Variants in LRRC69 observed in about 807,000 individuals in gnomAD.
The protein encoded by LRRC69 is leucine-rich repeat-containing protein 69.
LRRC69 carries 42 observed loss-of-function variants against 37.8 expected under a neutral mutation model. The ratio of observed to expected loss-of-function variants is 1.11; its 90% CI spans 0.87 to 1.44. LRRC69 has a LOEUF of 1.44. LRRC69 is among the 40% of genes most tolerant of loss of function. The pLI is 0.00. For missense variants in LRRC69, 357 were observed against 401.9 expected (o/e 0.89, Z 0.96); for synonymous variants, 141 against 143.1 (o/e 0.99, Z 0.11).
At chr8:91,207,859 A>G (rs1809832857) in intron 7 of LRRC69, among the ~76,000 whole-genome samples, 1 of 152,226 alleles carries the variant, frequency 6.6e-6, no homozygotes, top group African/African-American at 2.4e-5. Context: ...CTGTATAACA[A>G]AGTATCACAG....
chr8:91,162,080 TATTG>T (rs1478032598), intron 5 of LRRC69, among the ~76,000 whole-genome samples: 2 of 151,402 alleles, frequency 1.3e-5, no homozygotes, highest in African/African-American at 4.8e-5. Context: ...TTCCTCTTGT[TATTG>T]ATTCATAGTT....
chr8:91,204,039 G>A (rs1303788756), intron 7 of LRRC69, among the ~76,000 whole-genome samples: 1 of 150,686 alleles, frequency 6.6e-6, no homozygotes, highest in African/African-American at 2.4e-5. Context: ...GGAAAATGGT[G>A]TGAACCCAGG....
At chr8:91,162,830 G>A (rs1808968915) in intron 5 of LRRC69, among the ~76,000 whole-genome samples, 1 of 150,792 alleles carries the variant, frequency 6.6e-6, no homozygotes, top group African/African-American at 2.4e-5. Flanking sequence ...TTGTCTCCCT[G>A]TGTTTAGTTC....
chr8:91,147,611 T>G (rs1459262241), intron 5 of LRRC69, among the ~76,000 whole-genome samples: 1 of 151,720 alleles, frequency 6.6e-6, no homozygotes, highest in Non-Finnish European at 1.5e-5. Context: ...CTGTACTCCT[T>G]TTCTGTTTTT....
At chr8:91,105,530 A>C (rs1391345929) in intron 1 of LRRC69, among the ~76,000 whole-genome samples, 1 of 151,838 alleles carries the variant, frequency 6.6e-6, no homozygotes. Flanking sequence ...CAAAAAAATA[A>C]AAATTAGCCA....
chr8:91,184,344 T>C (rs1297111598), intron 5 of LRRC69, among the ~76,000 whole-genome samples: 1 of 152,150 alleles, frequency 6.6e-6, no homozygotes, highest in Non-Finnish European at 1.5e-5. Flanking sequence ...CATTTGTCTC[T>C]TTTAAATATT....
At chr8:91,209,926 T>A (rs1281990656) in intron 7 of LRRC69, among the ~76,000 whole-genome samples, 3 of 152,216 alleles carry the variant, frequency 2.0e-5, no homozygotes, top group Non-Finnish European at 4.4e-5. Flanking sequence ...GAGTTCTTAC[T>A]ATATGCAAGG....
At chr8:91,160,197 T>C (rs1237569360) in intron 5 of LRRC69, among the ~76,000 whole-genome samples, 1 of 151,248 alleles carries the variant, frequency 6.6e-6, no homozygotes, top group Non-Finnish European at 1.5e-5. Context: ...TACTGGTTTA[T>C]AGAATCACTA....
At chr8:91,184,823 A>G (rs1363346328) in intron 5 of LRRC69, among the ~76,000 whole-genome samples, 1 of 152,204 alleles carries the variant, frequency 6.6e-6, no homozygotes, top group Non-Finnish European at 1.5e-5. Flanking sequence ...CAGTGTTACC[A>G]CAGTGGAGAG....
At chr8:91,126,066 G>T (rs1414451723) in intron 2 of LRRC69, among the ~76,000 whole-genome samples, 1 of 151,848 alleles carries the variant, frequency 6.6e-6, no homozygotes, top group Admixed American at 6.6e-5. Flanking sequence ...CCATGTGATT[G>T]ACCTAAGTTA....
chr8:91,144,922 T>A (rs897790096), intron 5 of LRRC69, among the ~76,000 whole-genome samples: 1 of 152,002 alleles, frequency 6.6e-6, no homozygotes, highest in African/African-American at 2.4e-5. Flanking sequence ...AATGAATTCA[T>A]CTGCCTTCAA....
chr8:91,163,818 TA>T (rs71266167), intron 5 of LRRC69, among the ~76,000 whole-genome samples: 8,036 of 151,458 alleles, frequency 0.053, 290 homozygotes, highest in Middle Eastern at 0.16. Context: ...TTAAAATCAA[TA>T]TTTTTTTCTA....
intron 1 of LRRC69, among the ~76,000 whole-genome samples, chr8:91,103,273 C>G (rs1813252351): frequency 6.6e-6 from 1 of 152,076 alleles, no homozygotes; most frequent in African/African-American, 2.4e-5. Flanking sequence ...TAGGATGCAG[C>G]AAGGGAGTTC....
At chr8:91,175,607 C>T (rs978721191) in intron 5 of LRRC69, among the ~76,000 whole-genome samples, 8 of 151,918 alleles carry the variant, frequency 5.3e-5, no homozygotes, top group Admixed American at 4.6e-4. Flanking sequence ...AGCTCTTGTT[C>T]AGTTAGTTCA....
chr8:91,203,748 T>TA (rs1235675311), intron 7 of LRRC69, among the ~76,000 whole-genome samples: 1 of 151,884 alleles, frequency 6.6e-6, no homozygotes, highest in Non-Finnish European at 1.5e-5. Context: ...AAGAATCTTT[T>TA]AAAAAATACA....
intron 1 of LRRC69, among the ~76,000 whole-genome samples, chr8:91,104,232 C>T (rs185755179): frequency 1.3e-5 from 2 of 151,948 alleles, no homozygotes; most frequent in East Asian, 1.9e-4. Context: ...CTCCCCACTT[C>T]GTAAGATGAC....
At chr8:91,134,748 A>G (rs1232536240) in intron 4 of LRRC69, among the ~76,000 whole-genome samples, 1 of 152,084 alleles carries the variant, frequency 6.6e-6, no homozygotes, top group East Asian at 1.9e-4. Context: ...CATTTGTTCC[A>G]AATAACTCAG....
chr8:91,119,916 C>T (rs952042848), intron 1 of LRRC69, among the ~76,000 whole-genome samples: 2 of 151,944 alleles, frequency 1.3e-5, no homozygotes, highest in Admixed American at 6.6e-5. Flanking sequence ...GTACCTGTCT[C>T]ATCTTCTAAA....
At chr8:91,180,453 T>C (rs928259571) in intron 5 of LRRC69, among the ~76,000 whole-genome samples, 1 of 128,652 alleles carries the variant, frequency 7.8e-6, no homozygotes, top group Non-Finnish European at 1.7e-5. Flanking sequence ...TTGCAATACC[T>C]TTTATGGTCT....
Sources: gnomAD v4.1 joint callset for allele counts (sites outside exome capture counted in the v4.1 genomes callset) on GRCh38, gnomAD v4.1.1 for gene constraint, MANE v1.5 for transcripts, NCBI Gene and HGNC (gene_info 2026-07-23, HGNC 2026-07-21) for gene names.